CCSER1: variants seen among roughly 807,000 people sequenced by gnomAD.
CCSER1 encodes serine-rich coiled-coil domain-containing protein 1.
Under a neutral mutation model 82.0 loss-of-function variants are expected in CCSER1, and 41 were observed. The observed-to-expected ratio is 0.50, with a 90% confidence interval of 0.39 to 0.65. CCSER1 has a LOEUF of 0.65. Ranked by LOEUF, CCSER1 falls within the 30% of genes least tolerant of loss-of-function variation. The pLI, the probability that CCSER1 is intolerant of heterozygous loss-of-function variation, is 0.00. For synonymous variants in CCSER1, 414 were observed against 383.9 expected (o/e 1.08, Z -0.92); for missense variants, 1,119 against 1,064.2 (o/e 1.05, Z -0.72).
intron 1 of CCSER1, among the ~76,000 whole-genome samples, chr4:90,225,892 C>T (rs2153423926): frequency 6.6e-6 from 1 of 152,272 alleles, no homozygotes; most frequent in African/African-American, 2.4e-5. Flanking sequence ...TTTTCCTCCT[C>T]TTGAACCCAG....
At chr4:91,250,583 A>AT in intron 10 of CCSER1, among the ~76,000 whole-genome samples, 1 of 151,602 alleles carries the variant, frequency 6.6e-6, no homozygotes. Context: ...ATATATATAT[A>AT]TTTGTATTGT....
At chr4:91,271,401 T>C (rs1196477146) in intron 10 of CCSER1, among the ~76,000 whole-genome samples, 1 of 152,272 alleles carries the variant, frequency 6.6e-6, no homozygotes, top group East Asian at 1.9e-4. Flanking sequence ...TTTGTAGTCT[T>C]TCATCTCTCA....
At chr4:90,429,472 TGTAA>T (rs1328689366) in intron 4 of CCSER1, among the ~76,000 whole-genome samples, 1 of 151,842 alleles carries the variant, frequency 6.6e-6, no homozygotes, top group Non-Finnish European at 1.5e-5. Flanking sequence ...GGATTAAGGG[TGTAA>T]GTCTTTACAA....
chr4:91,366,665 T>C (rs1560615459), intron 10 of CCSER1, among the ~76,000 whole-genome samples: 1 of 152,216 alleles, frequency 6.6e-6, no homozygotes, highest in Non-Finnish European at 1.5e-5. Context: ...TTCATACTGA[T>C]CCATTCAATT....
intron 10 of CCSER1, among the ~76,000 whole-genome samples, chr4:91,518,477 C>T (rs896501024): frequency 6.6e-6 from 1 of 152,106 alleles, no homozygotes; most frequent in African/African-American, 2.4e-5. Flanking sequence ...TAGGGAAGTA[C>T]CACTGCAAAG....
At chr4:90,716,554 T>C (rs905367802) in intron 6 of CCSER1, among the ~76,000 whole-genome samples, 12 of 152,094 alleles carry the variant, frequency 7.9e-5, no homozygotes, top group African/African-American at 2.9e-4. Context: ...TCCCATACAG[T>C]TATGTGCTGT....
intron 10 of CCSER1, among the ~76,000 whole-genome samples, chr4:91,449,057 G>A (rs993019827): frequency 6.6e-6 from 1 of 152,014 alleles, no homozygotes; most frequent in Non-Finnish European, 1.5e-5. Flanking sequence ...ATGGAAGGGA[G>A]TGGGCCATGT....
intron 5 of CCSER1, among the ~76,000 whole-genome samples, chr4:90,616,132 G>A (rs1018994192): frequency 3.3e-5 from 5 of 152,086 alleles, no homozygotes; most frequent in Non-Finnish European, 2.9e-5. Context: ...GCTATTGCAC[G>A]CTTAATAAAA....
At chr4:90,411,931 A>G (rs1754910991) in intron 4 of CCSER1, among the ~76,000 whole-genome samples, 1 of 152,132 alleles carries the variant, frequency 6.6e-6, no homozygotes, top group Admixed American at 6.6e-5. Context: ...AAGTCTCAGG[A>G]TACAAAATCA....
chr4:90,558,836 G>A (rs987539318), intron 5 of CCSER1, among the ~76,000 whole-genome samples: 11 of 152,186 alleles, frequency 7.2e-5, no homozygotes, highest in Admixed American at 6.5e-5. Flanking sequence ...TTGTTTTTAA[G>A]TGAGCTAAGC....
At chr4:90,888,495 A>T (rs886784153) in intron 8 of CCSER1, among the ~76,000 whole-genome samples, 2 of 152,134 alleles carry the variant, frequency 1.3e-5, no homozygotes, top group African/African-American at 4.8e-5. Context: ...CCTGACTTAC[A>T]GTTTTGTTTT....
At chr4:90,236,434 A>C (rs191084549) in intron 1 of CCSER1, among the ~76,000 whole-genome samples, 21 of 152,294 alleles carry the variant, frequency 1.4e-4, no homozygotes, top group African/African-American at 4.3e-4. Flanking sequence ...GGTAAAAGAA[A>C]AAGTTGTATT....
At chr4:90,887,873 T>C (rs1327338507) in intron 8 of CCSER1, among the ~76,000 whole-genome samples, 3 of 151,790 alleles carry the variant, frequency 2.0e-5, no homozygotes, top group Non-Finnish European at 4.4e-5. Context: ...AGAGCAAGAC[T>C]CCATCTCAAA....
At chr4:91,071,547 G>A (rs2148768750) in intron 9 of CCSER1, among the ~76,000 whole-genome samples, 1 of 152,240 alleles carries the variant, frequency 6.6e-6, no homozygotes, top group South Asian at 2.1e-4. Context: ...ATGGATTGAT[G>A]GGTTTGGTGT....
rs374071012 is a variant in CCSER1, at chr4:91,275,071, A to G, written c.2217+189077A>G. On this transcript the variant is annotated intron_variant, in intron 10 of 10. Coordinates refer to ENST00000509176, the MANE Select transcript of CCSER1 (RefSeq NM_001145065.2). ...CAGTGAGCCGAGATCGCGCCACTGC[A>G]CTCCAGCCTGGGTGACAGAGCGAGA... 7.2e-5 allele frequency among the ~76,000 whole-genome samples: 11 copies of G among 151,778 alleles called. 1 individual carries two copies. The South Asian group carries it at 8.3e-4, about 11-fold the overall frequency.
intron 10 of CCSER1, among the ~76,000 whole-genome samples, chr4:91,308,220 G>T (rs988621811): frequency 2.6e-5 from 4 of 151,846 alleles, no homozygotes; most frequent in Non-Finnish European, 5.9e-5. Context: ...CTGAACTGTG[G>T]CCTCTTCATT....
intron 4 of CCSER1, among the ~76,000 whole-genome samples, chr4:90,437,080 C>A (rs1759119267): frequency 6.6e-6 from 1 of 152,082 alleles, no homozygotes; most frequent in Non-Finnish European, 1.5e-5. Context: ...CTCAGCCTCC[C>A]AAAGTGCTGG....
intron 8 of CCSER1, among the ~76,000 whole-genome samples, chr4:90,835,161 C>G (rs1236734199): frequency 6.6e-6 from 1 of 151,720 alleles, no homozygotes; most frequent in Non-Finnish European, 1.5e-5. Flanking sequence ...GAAACGCCGT[C>G]TCTACTAAAA....
intron 7 of CCSER1, among the ~76,000 whole-genome samples, chr4:90,806,775 A>G (rs1307256578): frequency 6.6e-6 from 1 of 152,056 alleles, no homozygotes; most frequent in Non-Finnish European, 1.5e-5. Context: ...GTAACAGGAA[A>G]TCTTAGCTAT....
Sources: gnomAD v4.1 joint callset for allele counts (sites outside exome capture counted in the v4.1 genomes callset) on GRCh38, gnomAD v4.1.1 for gene constraint, MANE v1.5 for transcripts, NCBI Gene and HGNC (gene_info 2026-07-23, HGNC 2026-07-21) for gene names.